Variants in FBXW7 observed in about 807,000 individuals in gnomAD.
FBXW7 encodes F-box/WD repeat-containing protein 7.
Under a neutral mutation model 86.3 loss-of-function variants are expected in FBXW7, and 11 were observed. That is an observed-to-expected ratio of 0.13 (90% CI 0.08 to 0.21). The LOEUF is 0.21. Among genes scored for constraint, FBXW7 ranks in the 10% least tolerant of loss-of-function variants. FBXW7 has a pLI of 1.00. For synonymous variants in FBXW7, 313 were observed against 297.9 expected (o/e 1.05, Z -0.52); for missense variants, 488 against 847.4 (o/e 0.58, Z 5.27).
At chr4:152,440,424 T>C (rs993259136) in intron 2 of FBXW7, among the ~76,000 whole-genome samples, 16 of 152,178 alleles carry the variant, frequency 1.1e-4, no homozygotes, top group African/African-American at 3.6e-4. Context: ...ATAACAAAAA[T>C]TGACTTCAGC....
rs528088992 is a variant in FBXW7 at position 152,533,105 on chromosome 4, G to C, written c.-120+1836C>G. On this transcript the variant is annotated intron_variant, in intron 2 of 13. Transcript: ENST00000281708. Reference sequence around the variant, plus strand: ...TTTGGGAGGCTGAGGCATGAGAATCGCTTGAACCTGGGAGGCGGAGGTTGC... The same window carrying C: ...TTTGGGAGGCTGAGGCATGAGAATCCCTTGAACCTGGGAGGCGGAGGTTGC... Among the ~76,000 whole-genome samples, 5 of 151,840 alleles carry C rather than the reference G, an allele frequency of 3.3e-5. No individual in the cohort carries two copies. In the South Asian group the frequency reaches 1.0e-3, roughly 32 times the overall value.
intron 2 of FBXW7, among the ~76,000 whole-genome samples, chr4:152,511,343 A>G (rs1477081455): frequency 7.4e-6 from 1 of 135,754 alleles, no homozygotes; most frequent in African/African-American, 2.8e-5. Context: ...GTGCATGACC[A>G]TGGACAATTA....
chr4:152,512,863 T>C (rs770215903), intron 2 of FBXW7, among the ~76,000 whole-genome samples: 1 of 152,162 alleles, frequency 6.6e-6, no homozygotes, highest in Non-Finnish European at 1.5e-5. Flanking sequence ...CGAATATTTA[T>C]TTATTTATTT....
At chr4:152,462,463 G>A (rs1241153829) in intron 2 of FBXW7, among the ~76,000 whole-genome samples, 1 of 152,202 alleles carries the variant, frequency 6.6e-6, no homozygotes, top group Non-Finnish European at 1.5e-5. Context: ...GATTAGCCAT[G>A]ATTTGGACAG....
In FBXW7 at chr4:152,423,692, C is replaced by T. The variant is rs180971763; in HGVS notation, c.-119-11163G>A. On this transcript the variant is annotated intron_variant, in intron 2 of 13. Transcript: ENST00000281708. ...CAGCTAACAATATAGACAAATTTTA[C>T]AGACATAATGCTAAGCAAAAACAAC... Among the ~76,000 whole-genome samples, 357 of 152,228 alleles carry T rather than the reference C, an allele frequency of 2.3e-3. 7 individuals carry two copies. Among genetic ancestry groups the T allele is most frequent in the East Asian group, 3.7e-3 (19 of 5,184 alleles).
chr4:152,513,439 T>C (rs1429270843), intron 2 of FBXW7, among the ~76,000 whole-genome samples: 6 of 152,160 alleles, frequency 3.9e-5, no homozygotes, highest in Admixed American at 2.6e-4. Context: ...AGAGACCCTA[T>C]TGGAGGATAC....
chr4:152,428,377 T>C (rs903870396), intron 2 of FBXW7, among the ~76,000 whole-genome samples: 1 of 152,232 alleles, frequency 6.6e-6, no homozygotes, highest in Non-Finnish European at 1.5e-5. Flanking sequence ...TCTAATTTTA[T>C]ACTTACAAAA....
chr4:152,333,334 A>T (rs1729751193), intron 7 of FBXW7, among the ~76,000 whole-genome samples: 1 of 152,148 alleles, frequency 6.6e-6, no homozygotes, highest in Non-Finnish European at 1.5e-5. Flanking sequence ...ACTTATAAGG[A>T]TCTTCTTGAT....
intron 2 of FBXW7, among the ~76,000 whole-genome samples, chr4:152,417,842 T>C (rs532531903): frequency 1.5e-4 from 23 of 152,198 alleles, no homozygotes; most frequent in Middle Eastern, 3.4e-3. Context: ...TTGCTGCCTC[T>C]GGGCTTCTCC....
At chr4:152,489,058 A>G (rs1745605788) in intron 2 of FBXW7, among the ~76,000 whole-genome samples, 1 of 152,090 alleles carries the variant, frequency 6.6e-6, no homozygotes. Flanking sequence ...GAGACTTTTG[A>G]GGCTAAATAG....
At chr4:152,448,994 C>A (rs770327156) in intron 2 of FBXW7, among the ~76,000 whole-genome samples, 2 of 152,192 alleles carry the variant, frequency 1.3e-5, no homozygotes, top group Non-Finnish European at 2.9e-5. Context: ...TGTAAATGCA[C>A]ACGATTTCAA....
intron 10 of FBXW7, 34 bp from the exon 11 acceptor site, chr4:152,328,423 AGAAAG>A (rs771947737): frequency 2.4e-5 from 32 of 1,339,668 alleles, no homozygotes; most frequent in Non-Finnish European, 3.0e-5. Flanking sequence ...ACTTTTGGGT[AGAAAG>A]GAAAAGTGAT....
At chr4:152,471,355 GGGAGGGAAGGAAGGAGGGAAGGAA>G (rs201299299) in intron 2 of FBXW7, among the ~76,000 whole-genome samples, 2,347 of 148,586 alleles carry the variant, frequency 0.016, 41 homozygotes, top group East Asian at 0.041. Flanking sequence ...TACAATTACA[GGGAGGGAAGGAAGGAGGGAAGGAA>G]GGAGAGAAGG....
chr4:152,334,525 A>G (rs1419085880), intron 7 of FBXW7, among the ~76,000 whole-genome samples: 1 of 152,228 alleles, frequency 6.6e-6, no homozygotes, highest in Non-Finnish European at 1.5e-5. Context: ...AAAACAGAAA[A>G]AGTCTATTCT....
chr4:152,379,346 G>C (rs544518065), intron 4 of FBXW7, among the ~76,000 whole-genome samples: 79 of 151,928 alleles, frequency 5.2e-4, no homozygotes, highest in African/African-American at 1.8e-3. Context: ...AGACAACCAA[G>C]GCTTTTTTTA....
chr4:152,408,492 C>A (rs1737630958), intron 4 of FBXW7, among the ~76,000 whole-genome samples: 1 of 152,110 alleles, frequency 6.6e-6, no homozygotes, highest in South Asian at 2.1e-4. Context: ...GAGAGTATGA[C>A]CTCTATAAAA....
At chr4:152,350,548 A>G (rs147221822) in intron 4 of FBXW7, among the ~76,000 whole-genome samples, 40 of 151,942 alleles carry the variant, frequency 2.6e-4, no homozygotes, top group African/African-American at 8.2e-4. Context: ...TAAAATTCAA[A>G]ATTGTAAAAT....
At chr4:152,341,714 A>G (rs1035414216) in intron 6 of FBXW7, among the ~76,000 whole-genome samples, 1 of 152,186 alleles carries the variant, frequency 6.6e-6, no homozygotes, top group African/African-American at 2.4e-5. Flanking sequence ...TTCTGGCTCC[A>G]AGAGTGGTTT....
chr4:152,352,385 A>G, intron 4 of FBXW7: 2 of 1,551,790 alleles, frequency 1.3e-6, no homozygotes, highest in South Asian at 1.2e-5. Flanking sequence ...AGGATACTGC[A>G]GCCATCTCTG....
Sources: gnomAD v4.1 joint callset for allele counts (sites outside exome capture counted in the v4.1 genomes callset) on GRCh38, gnomAD v4.1.1 for gene constraint, MANE v1.5 for transcripts, NCBI Gene and HGNC (gene_info 2026-07-23, HGNC 2026-07-21) for gene names.